NADK: variants seen among roughly 807,000 people sequenced by gnomAD.
The protein encoded by NADK is poly(P)/ATP NAD kinase.
Under a neutral mutation model 49.8 loss-of-function variants are expected in NADK, and 22 were observed. The ratio of observed to expected loss-of-function variants is 0.44; its 90% confidence interval spans 0.32 to 0.63. The LOEUF (loss-of-function observed/expected upper bound fraction) is 0.63, where lower values mean the gene tolerates loss of function less well. NADK is among the 30% of genes least tolerant of loss of function. The pLI, the probability that NADK is intolerant of heterozygous loss-of-function variation, is 0.06. For missense variants in NADK, 438 were observed against 609.4 expected (o/e 0.72, Z 2.96); for synonymous variants, 268 against 253.7 (o/e 1.06, Z -0.54).
rs778398929 is a variant in NADK, at chr1:1,754,589, A to G, written c.798T>C (p.Ala266=). ...HNGLGENGSQ[A]AGLDMDVGKQ... is the part of the protein sequence containing the mutation. ...TCCCGACATCCATGTCCAGGCCTGC[A>G]GCCTGCGAGCCGTTCTCACCCAGCC... The change falls in exon 8 of 12, where the codon GCT becomes GCC. Residue 266 remains alanine, a synonymous_variant. Coordinates refer to ENST00000341426, the MANE Select transcript of NADK (RefSeq NM_023018.5). This position sits in a 1 kb window ranked among gnomAD's most constrained non-coding sequence, Gnocchi z 4.3. 22 of 1,613,460 alleles carry G rather than the reference A, an allele frequency of 1.4e-5. No individual in the cohort carries two copies. The highest frequency in any genetic ancestry group is 2.2e-5 in the East Asian group (1 of 44,884).
At chr1:1,761,913 C>T in intron 3 of NADK, 39 bp downstream of exon 3, 1 of 1,582,326 alleles carries the variant, frequency 6.3e-7, no homozygotes, top group Non-Finnish European at 8.7e-7. Flanking sequence ...GGGTTCTCTC[C>T]CTTCCAAGAA....
chr1:1,772,096 A>G (rs1646070152), intron 1 of NADK, among the ~76,000 whole-genome samples: 1 of 151,510 alleles, frequency 6.6e-6, no homozygotes, highest in Admixed American at 6.6e-5. Flanking sequence ...GGCGTGAGCC[A>G]CCTCACCCAG....
At chr1:1,761,501 G>A (rs565678116) in intron 3 of NADK, among the ~76,000 whole-genome samples, 37 of 152,254 alleles carry the variant, frequency 2.4e-4, no homozygotes, top group African/African-American at 7.0e-4. Context: ...ACACTATGAC[G>A]GGCCTCCAGG....
chr1:1,765,129 G>A lies in NADK; in HGVS notation c.179+99C>T, dbSNP rs566354340. The A allele has an allele frequency of 2.9e-4, 355 of 1,225,150 alleles. 4 individuals are homozygous for A. In the South Asian group the frequency reaches 3.0e-3, roughly 10 times the overall value. The allele number at this position is 1,225,150 out of a possible 1,614,324, so 75.9% of individuals were successfully genotyped here. A position where few individuals can be genotyped will look rare whatever the true frequency, so the allele number is the denominator to read the frequency against. ...CCCAGCCTCACCTTCCGGATGCATC[G>A]ACGCAGACTACTCAGGAGAATTCTT... On this transcript the variant is annotated intron_variant, in intron 2 of 11. Coordinates refer to ENST00000341426, the MANE Select transcript of NADK (RefSeq NM_023018.5).
intron 1 of NADK, among the ~76,000 whole-genome samples, chr1:1,769,545 C>T (rs891221138): frequency 1.3e-5 from 2 of 151,156 alleles, no homozygotes; most frequent in African/African-American, 4.9e-5. Context: ...AGCGAGACTC[C>T]GTCTCAAAAA....
At position 1,751,473 on chromosome 1, in the gene NADK, CCT is replaced by C. The variant is rs1401481625; in HGVS notation, c.*1429_*1430del. The C allele has an allele frequency of 1.9e-5, 2 of 107,336 alleles. No homozygotes were observed. The highest frequency in any genetic ancestry group is 3.4e-5 in the African/African-American group (1 of 29,566). 6.6% of individuals were successfully genotyped at this position (107,336 alleles called of 1,614,324 possible). On this transcript the variant is annotated 3_prime_UTR_variant, in exon 12 of 12. Transcript: ENST00000341426. ...CCAGCCCTAACGCTGGGCGCTGGTC[CCT>C]CTCTCCTAAGCCCACGGCTGGGCTT... is the stretch of plus-strand genomic sequence containing the variant.
chr1:1,757,156 C>T (rs1267411415), intron 4 of NADK, 25 bp downstream of exon 4: 3 of 1,493,928 alleles, frequency 2.0e-6, no homozygotes, highest in African/African-American at 1.4e-5. Flanking sequence ...GCACCCCAGG[C>T]CCCCTTCCCC....
At position 1,752,075 on chromosome 1, in the gene NADK, C is replaced by G. The variant is rs932337968; in HGVS notation, c.*829G>C. The G allele has an allele frequency of 6.6e-6, 1 of 151,872 alleles. No homozygotes were observed. Among genetic ancestry groups the G allele is most frequent in the Non-Finnish European group, 1.5e-5 (1 of 67,896 alleles). 9.4% of individuals were successfully genotyped at this position (151,872 alleles called of 1,614,324 possible). On this transcript the variant is annotated 3_prime_UTR_variant, in exon 12 of 12. Transcript: ENST00000341426. ...CTGAACAGAATGGTCCCCTAATGGT[C>G]CCTGAGGACAGCGTCTTGCAGAACA...
At chr1:1,762,148 C>A in intron 2 of NADK, 113 bp from the exon 3 acceptor site, 2 of 842,544 alleles carry the variant, frequency 2.4e-6, no homozygotes, top group Non-Finnish European at 3.8e-6. Context: ...TTGAAAGATG[C>A]CAACTCCATC....
At position 1,754,022 on chromosome 1, in the gene NADK, A is replaced by C. The variant is rs749128672; in HGVS notation, c.1101+29T>G. 1 of 1,544,376 alleles carries C rather than the reference A, an allele frequency of 6.5e-7. No individual in the cohort carries two copies. The highest frequency in any genetic ancestry group is 8.7e-7 in the Non-Finnish European group (1 of 1,146,782). ...TTGCACGGGGTCAAATGACTCACAA[A>C]CCGGAAAAGGAGTGTCGTTGGCTCT... On this transcript the variant is annotated intron_variant, in intron 10 of 11. Transcript: ENST00000341426. The surrounding 1 kb of genome is among the most constrained non-coding windows in gnomAD (Gnocchi z 4.3).
At chr1:1,759,462 C>T (rs374481144) in intron 3 of NADK, among the ~76,000 whole-genome samples, 10 of 152,232 alleles carry the variant, frequency 6.6e-5, no homozygotes, top group Admixed American at 1.3e-4. Flanking sequence ...CTGTGACACA[C>T]GGGCACTCAC....
chr1:1,767,671 A>T (rs1173577060), intron 1 of NADK, among the ~76,000 whole-genome samples: 2 of 152,126 alleles, frequency 1.3e-5, no homozygotes, highest in Non-Finnish European at 2.9e-5. Context: ...TGTCCTCCCC[A>T]AATTTATTTT....
chr1:1,760,966 A>T lies in NADK; in HGVS notation c.263+986T>A, dbSNP rs551775736. On this transcript the variant is annotated intron_variant, in intron 3 of 11. Transcript: ENST00000341426. ...CGCCCCAGCCTCCTTGGCAACTGGG[A>T]CTACAGGTGTGTGCAACGATGCCTG... Among the ~76,000 whole-genome samples the T allele has an allele frequency of 1.6e-4, 25 of 152,174 alleles. 1 individual carries two copies. The highest frequency in any genetic ancestry group is 6.0e-4 in the African/African-American group (25 of 41,524).
At chr1:1,756,953 G>C in intron 4 of NADK, 3 of 843,840 alleles carry the variant, frequency 3.6e-6, no homozygotes, top group South Asian at 1.4e-5. Context: ...CCGGCCTCCA[G>C]GGCCACGAGC....
intron 3 of NADK, 74 bp downstream of exon 3, chr1:1,761,878 C>A (rs1645736027): frequency 7.1e-7 from 1 of 1,415,986 alleles, no homozygotes; most frequent in South Asian, 1.2e-5. Flanking sequence ...ATCCCATGGC[C>A]CCCGGCACTC....
At position 1,754,469 on chromosome 1, in the gene NADK, C is replaced by T. The variant is rs1042301546; in HGVS notation, c.843+75G>A. On this transcript the variant is annotated intron_variant, in intron 8 of 11. Coordinates refer to ENST00000341426, the MANE Select transcript of NADK (RefSeq NM_023018.5). This position sits in a 1 kb window ranked among gnomAD's most constrained non-coding sequence, Gnocchi z 4.3. The stretch of plus-strand genomic sequence containing the variant: ...CTCCGTCTCACCCAGCCGGGCTCTC[C>T]GGAAGGTCCTCATCCCTGGGACCGA... 68 of 1,604,104 alleles carry T rather than the reference C, an allele frequency of 4.2e-5. No individual in the cohort carries two copies. Among genetic ancestry groups the T allele is most frequent in the African/African-American group, 1.6e-4 (12 of 74,716 alleles).
At chr1:1,762,274 C>G (rs1401213921) in intron 2 of NADK, among the ~76,000 whole-genome samples, 2 of 152,198 alleles carry the variant, frequency 1.3e-5, no homozygotes, top group East Asian at 3.9e-4. Context: ...TGACCCAAGC[C>G]GGGGAGAGCT....
At chr1:1,759,943 G>A in intron 3 of NADK, 1 of 1,547,036 alleles carries the variant, frequency 6.5e-7, no homozygotes, top group East Asian at 2.4e-5. Context: ...CCAGGCAGCG[G>A]GGGAGAGGCC....
chr1:1,776,855 T>C (rs1255241073), intron 1 of NADK, among the ~76,000 whole-genome samples: 1 of 150,326 alleles, frequency 6.7e-6, no homozygotes, highest in East Asian at 2.0e-4. Context: ...GGCAGGAGGA[T>C]CTCTTGAGGC....
Sources: allele counts gnomAD v4.1 joint callset (sites outside exome capture counted in the v4.1 genomes callset), GRCh38; gene constraint gnomAD v4.1.1; non-coding constraint Gnocchi (gnomAD v3.1); transcripts MANE v1.5; gene names NCBI Gene and HGNC (gene_info 2026-07-23, HGNC 2026-07-21).